Variants in IL1RAPL1 observed in about 807,000 individuals in gnomAD.
IL1RAPL1 encodes interleukin 1 receptor accessory protein like 1.
Under a neutral mutation model 48.4 loss-of-function variants are expected in IL1RAPL1, and 3 were observed. The ratio of observed to expected loss-of-function variants is 0.06; its 90% CI spans 0.03 to 0.16. The LOEUF (loss-of-function observed/expected upper bound fraction) is 0.16, where lower values mean the gene tolerates loss of function less well. Among genes scored for constraint, IL1RAPL1 ranks in the 10% least tolerant of loss-of-function variants. The pLI is 1.00. For synonymous variants in IL1RAPL1, 185 were observed against 187.7 expected (o/e 0.99, Z 0.12); for missense variants, 349 against 530.6 (o/e 0.66, Z 3.36).
chrX:28,923,639 T>G (rs1923669441), intron 2 of IL1RAPL1, among the ~76,000 whole-genome samples: 1 of 110,494 alleles, frequency 9.1e-6, no homozygotes, highest in Admixed American at 9.7e-5. Context: ...AATAGATGGG[T>G]GGGTATGTAA....
chrX:28,617,764 A>G (rs1395741711), intron 1 of IL1RAPL1, among the ~76,000 whole-genome samples: 2 of 112,569 alleles, frequency 1.8e-5, no homozygotes, highest in African/African-American at 6.4e-5. Flanking sequence ...TTGGAATTTC[A>G]TATGTTGATA....
intron 1 of IL1RAPL1, among the ~76,000 whole-genome samples, chrX:28,723,341 A>T (rs1386383553): frequency 9.0e-6 from 1 of 110,919 alleles, no homozygotes; most frequent in African/African-American, 3.3e-5. Context: ...TGTGTCCAGG[A>T]ATTTATCCAT....
intron 2 of IL1RAPL1, among the ~76,000 whole-genome samples, chrX:28,921,071 G>A (rs1404955762): frequency 4.5e-5 from 5 of 111,048 alleles, no homozygotes; most frequent in Admixed American, 9.6e-5. Context: ...AGAATGTGAA[G>A]AGAAGAGCAG....
At chrX:29,649,854 GAAA>G (rs1925459549) in intron 5 of IL1RAPL1, among the ~76,000 whole-genome samples, 2 of 111,206 alleles carry the variant, frequency 1.8e-5, no homozygotes, top group African/African-American at 6.5e-5. Context: ...TATATATATA[GAAA>G]ACCCTGAAGA....
intron 6 of IL1RAPL1, among the ~76,000 whole-genome samples, chrX:29,686,116 G>C (rs994266898): frequency 1.7e-4 from 19 of 111,841 alleles, no homozygotes; most frequent in African/African-American, 5.8e-4. Context: ...GAAAATAAGA[G>C]AGAAACTGAC....
At chrX:29,354,041 T>C (rs1933270090) in intron 3 of IL1RAPL1, among the ~76,000 whole-genome samples, 1 of 110,571 alleles carries the variant, frequency 9.0e-6, no homozygotes, top group African/African-American at 3.3e-5. Context: ...TTATTGTTTA[T>C]AAAGTTTACC....
intron 5 of IL1RAPL1, among the ~76,000 whole-genome samples, chrX:29,552,802 C>CCTTTT (rs766024975): frequency 4.8e-4 from 11 of 22,989 alleles, no homozygotes; most frequent in Non-Finnish European, 6.7e-4. Flanking sequence ...TTTCACTCTC[C>CCTTTT]TTTTTTTTTT....
intron 6 of IL1RAPL1, among the ~76,000 whole-genome samples, chrX:29,881,094 T>C (rs1362495113): frequency 1.8e-5 from 2 of 111,375 alleles, no homozygotes; most frequent in Non-Finnish European, 3.8e-5. Flanking sequence ...CCTTTTCTTT[T>C]CACAGATGGT....
intron 1 of IL1RAPL1, among the ~76,000 whole-genome samples, chrX:28,591,574 G>GA (rs1403177754): frequency 8.9e-6 from 1 of 112,149 alleles, no homozygotes; most frequent in African/African-American, 3.2e-5. Context: ...GTTTTCTGGT[G>GA]ATGCTCAAGT....
At chrX:29,664,288 C>A (rs1286172533) in intron 5 of IL1RAPL1, among the ~76,000 whole-genome samples, 1 of 109,343 alleles carries the variant, frequency 9.1e-6, no homozygotes, top group Non-Finnish European at 1.9e-5. Context: ...CCTGTATTCC[C>A]AGCTACTCGG....
At chrX:29,696,927 G>A (rs1257420309) in intron 6 of IL1RAPL1, among the ~76,000 whole-genome samples, 1 of 111,030 alleles carries the variant, frequency 9.0e-6, no homozygotes, top group Non-Finnish European at 1.9e-5. Flanking sequence ...ACATAAAATG[G>A]AAAGTTACAT....
In IL1RAPL1 at chrX:29,263,484, A is replaced by C. The variant is rs946181189; in HGVS notation, c.83-19454A>C. ...CATGATAATGAGAAAAATCCAGAAC[A>C]CAAGGCTTGATTACTCCTACAATAT... is the stretch of plus-strand genomic sequence containing the variant. On this transcript the variant is annotated intron_variant, in intron 2 of 10. Transcript: ENST00000378993. 2.7e-5 allele frequency among the ~76,000 whole-genome samples: 3 copies of C among 112,080 alleles called. No individual in the cohort carries two copies. The Admixed American group carries it at 2.8e-4, about 11-fold the overall frequency.
intron 9 of IL1RAPL1, among the ~76,000 whole-genome samples, chrX:29,949,739 A>C (rs1933281002): frequency 8.9e-6 from 1 of 112,192 alleles, no homozygotes; most frequent in Non-Finnish European, 1.9e-5. Flanking sequence ...TCAGCTTTTC[A>C]AAGTTTCACC....
chrX:29,023,112 T>A (rs759019002), intron 2 of IL1RAPL1, among the ~76,000 whole-genome samples: 1 of 112,279 alleles, frequency 8.9e-6, no homozygotes, highest in South Asian at 3.7e-4. Flanking sequence ...TACTGCAGCC[T>A]CTTTAATCAT....
intron 2 of IL1RAPL1, among the ~76,000 whole-genome samples, chrX:29,257,359 TCAA>T (rs1205753092): frequency 8.9e-6 from 1 of 111,822 alleles, no homozygotes; most frequent in Non-Finnish European, 1.9e-5. Context: ...TGATTTCAGT[TCAA>T]CAACCTGTAC....
intron 2 of IL1RAPL1, among the ~76,000 whole-genome samples, chrX:29,174,397 G>A (rs770234272): frequency 2.7e-5 from 3 of 111,927 alleles, no homozygotes; most frequent in South Asian, 7.4e-4. Context: ...GCCGTGACTC[G>A]GAGCCATAAA....
chrX:29,535,546 T>C (rs1921203030), intron 5 of IL1RAPL1, among the ~76,000 whole-genome samples: 1 of 111,833 alleles, frequency 8.9e-6, no homozygotes. Flanking sequence ...TTCCTGTAAA[T>C]TGTTGGAAAT....
intron 2 of IL1RAPL1, among the ~76,000 whole-genome samples, chrX:29,030,120 T>A (rs754118062): frequency 9.0e-6 from 1 of 111,334 alleles, no homozygotes; most frequent in Non-Finnish European, 1.9e-5. Context: ...CTATTTTTTT[T>A]CACTAGTGCC....
At chrX:29,897,793 G>C in intron 6 of IL1RAPL1, among the ~76,000 whole-genome samples, 1 of 111,604 alleles carries the variant, frequency 9.0e-6, no homozygotes, top group African/African-American at 3.3e-5. Context: ...CTTTTCAAAG[G>C]ATGTTTAGAG....
Sources: allele counts gnomAD v4.1 joint callset (sites outside exome capture counted in the v4.1 genomes callset), GRCh38; gene constraint gnomAD v4.1.1; transcripts MANE v1.5; gene names NCBI Gene and HGNC (gene_info 2026-07-23, HGNC 2026-07-21).